SLCO1A2: variants seen among roughly 807,000 people sequenced by gnomAD.
The protein encoded by SLCO1A2 is solute carrier organic anion transporter family member 1A2, also known as OATP-1.
A neutral mutation model predicts 69.0 loss-of-function variants in SLCO1A2; 67 were observed. The ratio of observed to expected loss-of-function variants is 0.97; its 90% CI spans 0.80 to 1.19. The LOEUF is 1.19. Ranked by LOEUF, SLCO1A2 falls within the 50% of genes most tolerant of loss-of-function variation. The pLI is 0.00. For synonymous variants in SLCO1A2, 260 were observed against 265.9 expected (o/e 0.98, Z 0.22); for missense variants, 787 against 793.7 (o/e 0.99, Z 0.10).
intron 2 of SLCO1A2, among the ~76,000 whole-genome samples, chr12:21,346,456 C>T (rs1049657283): frequency 2.6e-5 from 4 of 151,356 alleles, no homozygotes; most frequent in African/African-American, 9.7e-5. Flanking sequence ...CCATTGGTAG[C>T]GTGTACAGTT....
In SLCO1A2 at chr12:21,269,533, A is replaced by T. The variant is rs1942410595; in HGVS notation, c.*15T>A. ...CATGTTCTCTAATTCTGAAAAAAGT[A>T]ATATAATAGGACAATTACAATTTAG... is the stretch of plus-strand genomic sequence containing the variant. On this transcript the variant is annotated 3_prime_UTR_variant, in exon 15 of 15. Coordinates refer to ENST00000683939, the MANE Select transcript of SLCO1A2 (RefSeq NM_001386879.1). The T allele has an allele frequency of 1.3e-6, 2 of 1,570,850 alleles. No individual in the cohort carries two copies. Among genetic ancestry groups the T allele is most frequent in the African/African-American group, 2.7e-5 (2 of 73,790 alleles).
In SLCO1A2 at chr12:21,297,359, G is replaced by A. The variant is rs372191615; in HGVS notation, c.1075+45C>T. 2.2e-5 allele frequency: 34 copies of A among 1,527,664 alleles called. 1 individual carries two copies. Among genetic ancestry groups the A allele is most frequent in the Middle Eastern group, 1.7e-4 (1 of 5,764 alleles). The allele number at this position is 1,527,664 out of a possible 1,614,324, so 94.6% of individuals were successfully genotyped here. The stretch of plus-strand genomic sequence containing the variant: ...TGCTACACCCGCCATCACACTGTTC[G>A]TGGGGGGGAAAGTGTGCTAGTAAGG... On this transcript the variant is annotated intron_variant, in intron 9 of 14. Coordinates refer to ENST00000683939, the MANE Select transcript of SLCO1A2 (RefSeq NM_001386879.1).
intron 1 of SLCO1A2, among the ~76,000 whole-genome samples, chr12:21,389,905 A>G (rs1941067713): frequency 6.7e-6 from 1 of 149,342 alleles, no homozygotes; most frequent in Non-Finnish European, 1.5e-5. Flanking sequence ...ATTCTATTAT[A>G]TTACTAATTA....
intron 1 of SLCO1A2, among the ~76,000 whole-genome samples, chr12:21,383,074 C>A (rs942885508): frequency 1.3e-3 from 194 of 152,248 alleles, no homozygotes; most frequent in African/African-American, 4.5e-3. Context: ...AATAGTTATT[C>A]ACTTTGTCTG....
upstream of SLCO1A2, among the ~76,000 whole-genome samples, chr12:21,396,547 A>G (rs1322810255): frequency 6.6e-6 from 1 of 151,088 alleles, no homozygotes; most frequent in African/African-American, 2.4e-5. Context: ...CCTCGAGAAG[A>G]GCAACTCCAA....
intron 2 of SLCO1A2, among the ~76,000 whole-genome samples, chr12:21,369,391 T>A (rs1939623755): frequency 6.6e-6 from 1 of 152,208 alleles, no homozygotes; most frequent in South Asian, 2.1e-4. Flanking sequence ...TTCCTGTTTT[T>A]ACTCTTGCCA....
chr12:21,272,942 C>CTTCA (rs1943141066), intron 14 of SLCO1A2, among the ~76,000 whole-genome samples: 2 of 152,074 alleles, frequency 1.3e-5, no homozygotes, highest in Admixed American at 1.3e-4. Context: ...TAAGATTTTA[C>CTTCA]TTCATTTGTA....
At position 21,278,542 on chromosome 12, in the gene SLCO1A2, A is replaced by T. The variant is rs186571060; in HGVS notation, c.1611-3118T>A. ...CTTCTGGGCAACTTAGCACAGAGAG[A>T]CTCCACTTGTTTGGAAGAAATTAAG... On this transcript the variant is annotated intron_variant, in intron 12 of 14. Coordinates refer to ENST00000683939, the MANE Select transcript of SLCO1A2 (RefSeq NM_001386879.1). Among the ~76,000 whole-genome samples the T allele has an allele frequency of 2.1e-3, 325 of 152,214 alleles. 1 individual carries two copies. Among genetic ancestry groups the T allele is most frequent in the African/African-American group, 7.4e-3 (308 of 41,546 alleles).
intron 1 of SLCO1A2, among the ~76,000 whole-genome samples, chr12:21,383,940 CAA>C (rs1316770931): frequency 1.4e-5 from 2 of 147,854 alleles, no homozygotes; most frequent in Non-Finnish European, 3.0e-5. Context: ...AATGAAAAAA[CAA>C]ATTATTTTAA....
At position 21,304,580 on chromosome 12, in the gene SLCO1A2, T is replaced by A. The variant is rs1949121289; in HGVS notation, c.443-7A>T. On this transcript the variant is annotated splice_region_variant and splice_polypyrimidine_tract_variant and intron_variant, in intron 5 of 14. Transcript: ENST00000683939. The stretch of plus-strand genomic sequence containing the variant: ...TTAACTTCCTTTGTACACTCTGCAT[T>A]AAAAAAAAAAGACATGACATTAGTG... 1.5e-6 allele frequency: 2 copies of A among 1,364,082 alleles called. No individual in the cohort carries two copies. The highest frequency in any genetic ancestry group is 2.0e-6 in the Non-Finnish European group (2 of 1,000,072). The allele number at this position is 1,364,082 out of a possible 1,614,324, so 84.5% of individuals were successfully genotyped here. A position where few individuals can be genotyped will look rare whatever the true frequency, so the allele number is the denominator to read the frequency against.
chr12:21,297,663 T>C lies in SLCO1A2; in HGVS notation c.911-95A>G, dbSNP rs1323995366. 3.9e-6 allele frequency: 3 copies of C among 772,036 alleles called. No individual in the cohort carries two copies. In the Admixed American group the frequency reaches 9.0e-5, roughly 23 times the overall value. The allele number at this position is 772,036 out of a possible 1,614,324, so 47.8% of individuals were successfully genotyped here. A position where few individuals can be genotyped will look rare whatever the true frequency, so the allele number is the denominator to read the frequency against. ...ACATCCACCTCCTCAACAAATTATG[T>C]TTTTTACTATTTTGTAATATGTATT... On this transcript the variant is annotated intron_variant, in intron 8 of 14. Transcript: ENST00000683939.
intron 2 of SLCO1A2, among the ~76,000 whole-genome samples, chr12:21,332,136 C>T (rs1186017933): frequency 3.3e-5 from 5 of 152,016 alleles, no homozygotes; most frequent in Non-Finnish European, 7.4e-5. Context: ...TCAGAGAAGT[C>T]CTAAAAACAT....
At chr12:21,417,490 G>C (rs1203250541) in intron 1 of SLCO1A2, among the ~76,000 whole-genome samples, 2 of 149,104 alleles carry the variant, frequency 1.3e-5, no homozygotes, top group Non-Finnish European at 1.5e-5. Context: ...TTAAAAAGAG[G>C]CAATACCAGA....
At chr12:21,305,022 A>G (rs1949185178) in intron 5 of SLCO1A2, among the ~76,000 whole-genome samples, 1 of 152,216 alleles carries the variant, frequency 6.6e-6, no homozygotes, top group African/African-American at 2.4e-5. Flanking sequence ...AATTGGTACT[A>G]TATTTATAAG....
intron 12 of SLCO1A2, among the ~76,000 whole-genome samples, chr12:21,282,480 A>G (rs1385209532): frequency 6.6e-6 from 1 of 152,096 alleles, no homozygotes; most frequent in Non-Finnish European, 1.5e-5. Flanking sequence ...TATAGTAAGT[A>G]TCATACTGAG....
intron 2 of SLCO1A2, among the ~76,000 whole-genome samples, chr12:21,360,347 C>T (rs1392156814): frequency 6.6e-6 from 1 of 151,946 alleles, no homozygotes; most frequent in Non-Finnish European, 1.5e-5. Flanking sequence ...TAAAACGACA[C>T]CAATATAAAA....
chr12:21,397,337 T>C (rs1313760138), upstream of SLCO1A2, among the ~76,000 whole-genome samples: 4 of 152,246 alleles, frequency 2.6e-5, no homozygotes, highest in East Asian at 5.8e-4. Flanking sequence ...CCTAAATATA[T>C]GTGCACCCAA....
At chr12:21,373,053 C>A in intron 2 of SLCO1A2, 1 of 354,904 alleles carries the variant, frequency 2.8e-6, no homozygotes, top group South Asian at 3.8e-5. Context: ...TAGAGAAATG[C>A]ACACTTGGTG....
At chr12:21,322,587 G>A (rs1321761637) in intron 2 of SLCO1A2, among the ~76,000 whole-genome samples, 3 of 152,226 alleles carry the variant, frequency 2.0e-5, no homozygotes, top group African/African-American at 7.2e-5. Flanking sequence ...ATAAGGGCTT[G>A]TGGGGACCAA....
Sources: allele counts gnomAD v4.1 joint callset (sites outside exome capture counted in the v4.1 genomes callset), GRCh38; gene constraint gnomAD v4.1.1; transcripts MANE v1.5; gene names NCBI Gene and HGNC (gene_info 2026-07-23, HGNC 2026-07-21).